The following MTUS1 variants were observed in gnomAD, a reference collection of about 807,000 sequenced individuals.
The protein encoded by MTUS1 is microtubule associated scaffold protein 1.
A neutral mutation model predicts 120.8 loss-of-function variants in MTUS1; 109 were observed. The observed-to-expected ratio is 0.90, with a 90% CI of 0.77 to 1.06. The LOEUF is 1.06. MTUS1 is among the 50% of genes least tolerant of loss of function. The probability of loss-of-function intolerance (pLI) is 0.00; values close to 1 mark genes in which losing one functional copy is unlikely to be tolerated. For missense variants in MTUS1, 2,210 were observed against 1,486.3 expected, an observed-to-expected ratio of 1.49 and a Z score of -8.01; for synonymous variants, 737 against 550.5, an observed-to-expected ratio of 1.34 and a Z score of -4.74.
intron 1 of MTUS1, among the ~76,000 whole-genome samples, chr8:17,759,346 C>T (rs1002433514): frequency 6.6e-6 from 1 of 150,664 alleles, no homozygotes; most frequent in Admixed American, 6.6e-5. Context: ...TTACTGCAGC[C>T]TCAACCTCCT....
chr8:17,782,111 A>T (rs1416627049), intron 1 of MTUS1, among the ~76,000 whole-genome samples: 1 of 152,186 alleles, frequency 6.6e-6, no homozygotes, highest in Non-Finnish European at 1.5e-5. Flanking sequence ...TATACTACTC[A>T]TACATGGATT....
At chr8:17,667,555 GT>G (rs1259918253) in intron 8 of MTUS1, among the ~76,000 whole-genome samples, 2 of 152,168 alleles carry the variant, frequency 1.3e-5, no homozygotes, top group South Asian at 4.1e-4. Flanking sequence ...GCAATGTACT[GT>G]TTTTTGCAAG....
intron 3 of MTUS1, among the ~76,000 whole-genome samples, chr8:17,737,938 G>C (rs1378179352): frequency 6.6e-6 from 1 of 152,132 alleles, no homozygotes; most frequent in Non-Finnish European, 1.5e-5. Context: ...AAAGTAATTT[G>C]AAGAAGATTT....
intron 7 of MTUS1, among the ~76,000 whole-genome samples, chr8:17,679,629 G>A (rs370776757): frequency 2.0e-5 from 3 of 152,142 alleles, no homozygotes; most frequent in East Asian, 3.9e-4. Flanking sequence ...AGTCTCTTGA[G>A]TAGCTGGGAC....
At position 17,646,022 on chromosome 8, in the gene MTUS1, C is replaced by A; in HGVS notation, c.3717G>T (p.Leu1239=). The A allele has an allele frequency of 6.2e-7, 1 of 1,613,716 alleles. No individual in the cohort carries two copies. The part of the protein sequence containing the change: ...ELLWKLHNGD[L]CSPKRSPTSS... ...ATGTGGGGGATCTCTTGGGGCTACACAGGTCCCCATTGTGCAGTTTCCACA... is the reference window on the plus strand; with the variant it reads ...ATGTGGGGGATCTCTTGGGGCTACAAAGGTCCCCATTGTGCAGTTTCCACA... The change falls in exon 15 of 15, where the codon CTG becomes CTT. Residue 1239 remains leucine, a synonymous_variant. Coordinates refer to ENST00000693296, the MANE Select transcript of MTUS1 (RefSeq NM_001363059.2).
intron 1 of MTUS1, among the ~76,000 whole-genome samples, chr8:17,768,180 T>C (rs1234857474): frequency 6.6e-6 from 1 of 152,242 alleles, no homozygotes; most frequent in African/African-American, 2.4e-5. Flanking sequence ...TATCACATTC[T>C]AGAGAGATAC....
chr8:17,666,606 T>C (rs1810965182), intron 8 of MTUS1, among the ~76,000 whole-genome samples: 1 of 152,118 alleles, frequency 6.6e-6, no homozygotes, highest in African/African-American at 2.4e-5. Flanking sequence ...TCCTCCTCAA[T>C]TTCCATTAAG....
chr8:17,717,519 T>C (rs1318784641), intron 4 of MTUS1, among the ~76,000 whole-genome samples: 1 of 152,228 alleles, frequency 6.6e-6, no homozygotes, highest in Non-Finnish European at 1.5e-5. Context: ...TGAAGCCGTA[T>C]TTGATTATAT....
intron 6 of MTUS1, among the ~76,000 whole-genome samples, chr8:17,685,527 A>G: frequency 6.6e-6 from 1 of 152,168 alleles, no homozygotes; most frequent in Non-Finnish European, 1.5e-5. Context: ...TACAGCATCC[A>G]CGTTCTGTGG....
chr8:17,787,904 T>C (rs2051439363), intron 1 of MTUS1, among the ~76,000 whole-genome samples: 1 of 152,198 alleles, frequency 6.6e-6, no homozygotes, highest in Non-Finnish European at 1.5e-5. Context: ...GCGGATCACC[T>C]GAGTAAGGAG....
At chr8:17,700,427 G>A (rs1055460523) in intron 6 of MTUS1, among the ~76,000 whole-genome samples, 1 of 127,564 alleles carries the variant, frequency 7.8e-6, no homozygotes, top group East Asian at 2.3e-4. Flanking sequence ...CAGAGATTGT[G>A]CCATTGCACT....
intron 6 of MTUS1, among the ~76,000 whole-genome samples, chr8:17,688,106 G>C (rs1252983263): frequency 2.0e-5 from 3 of 152,178 alleles, no homozygotes; most frequent in African/African-American, 4.8e-5. Flanking sequence ...TTAGAGACCA[G>C]ACCTACTGAG....
rs773784531 is a variant in MTUS1 at position 17,723,691 on chromosome 8, C to G, written c.2430G>C (p.Leu810=). The part of the protein sequence containing the change: ...TPSIASTHSE[L]STYSNNSGNA... The stretch of plus-strand genomic sequence containing the variant: ...ACTTACAATTGTTGCTGTAAGTGCT[C>G]AGCTCACTGTGGGTGCTGGCTATTG... The change falls in exon 4 of 15, where the codon CTG becomes CTC. Residue 810 remains leucine, a synonymous_variant. Coordinates refer to ENST00000693296, the MANE Select transcript of MTUS1 (RefSeq NM_001363059.2). 9 of 1,610,718 alleles carry G rather than the reference C, an allele frequency of 5.6e-6. No individual in the cohort carries two copies. In the African/African-American group the frequency reaches 1.1e-4, roughly 19 times the overall value.
intron 8 of MTUS1, among the ~76,000 whole-genome samples, chr8:17,662,275 A>G (rs1343616067): frequency 6.6e-6 from 1 of 152,160 alleles, no homozygotes; most frequent in Non-Finnish European, 1.5e-5. Flanking sequence ...ATTTGCAACA[A>G]GCAAGCATGG....
intron 2 of MTUS1, among the ~76,000 whole-genome samples, chr8:17,748,471 T>C (rs1384679840): frequency 1.3e-5 from 2 of 152,154 alleles, no homozygotes; most frequent in East Asian, 1.9e-4. Flanking sequence ...CACTGACCCT[T>C]TGCCCTCGCT....
At chr8:17,743,238 T>A (rs1178470511) in intron 3 of MTUS1, among the ~76,000 whole-genome samples, 2 of 152,132 alleles carry the variant, frequency 1.3e-5, no homozygotes, top group African/African-American at 4.8e-5. Context: ...TCTCTTCACA[T>A]GTATTGAGGG....
chr8:17,770,497 T>C (rs2049943551), intron 1 of MTUS1: 1 of 152,222 alleles, frequency 6.6e-6, no homozygotes, highest in Non-Finnish European at 1.5e-5. Context: ...TCGAGTTATC[T>C]GTCCAAACAA....
intron 1 of MTUS1, among the ~76,000 whole-genome samples, chr8:17,763,194 C>A (rs610955): frequency 2.0e-5 from 3 of 152,144 alleles, no homozygotes; most frequent in Admixed American, 1.3e-4. Context: ...GTTTCACCAT[C>A]TTGGCCAGGC....
intron 8 of MTUS1, among the ~76,000 whole-genome samples, chr8:17,664,240 G>A (rs1810403655): frequency 6.6e-6 from 1 of 152,152 alleles, no homozygotes; most frequent in East Asian, 1.9e-4. Context: ...GACATTATAC[G>A]CAATAGAATT....
Sources: allele counts gnomAD v4.1 joint callset (sites outside exome capture counted in the v4.1 genomes callset), GRCh38; gene constraint gnomAD v4.1.1; transcripts MANE v1.5; gene names NCBI Gene and HGNC (gene_info 2026-07-23, HGNC 2026-07-21).